C8A: variants seen among roughly 807,000 people sequenced by gnomAD.
The protein encoded by C8A is complement C8 alpha chain.
Under a neutral mutation model 65.3 loss-of-function variants are expected in C8A, and 67 were observed. That is an observed-to-expected ratio of 1.03 (90% CI 0.84 to 1.26). The LOEUF is 1.26. Ranked by LOEUF, C8A falls within the 50% of genes most tolerant of loss-of-function variation. The probability of loss-of-function intolerance (pLI) is 0.00; values close to 1 mark genes in which losing one functional copy is unlikely to be tolerated. For synonymous variants in C8A, 290 were observed against 259.4 expected, an observed-to-expected ratio of 1.12 and a Z score of -1.13; for missense variants, 781 against 723.9, an observed-to-expected ratio of 1.08 and a Z score of -0.90.
intron 7 of C8A, among the ~76,000 whole-genome samples, chr1:56,889,420 T>A (rs1644327273): frequency 6.6e-6 from 1 of 152,206 alleles, no homozygotes; most frequent in Admixed American, 6.5e-5. Context: ...AATTGAAGTT[T>A]TTGCCATTAA....
At chr1:56,891,546 G>T (rs370317185) in intron 7 of C8A, among the ~76,000 whole-genome samples, 3 of 152,118 alleles carry the variant, frequency 2.0e-5, no homozygotes, top group African/African-American at 4.8e-5. Context: ...ACAATTAGGG[G>T]CATTGCTGAT....
chr1:56,910,727 C>A (rs1277194669), intron 9 of C8A, among the ~76,000 whole-genome samples: 1 of 152,210 alleles, frequency 6.6e-6, no homozygotes, highest in East Asian at 1.9e-4. Context: ...CAACCGCAAC[C>A]CCTGACCACA....
intron 1 of C8A, among the ~76,000 whole-genome samples, chr1:56,867,262 T>C (rs1644098963): frequency 6.6e-6 from 1 of 152,146 alleles, no homozygotes; most frequent in African/African-American, 2.4e-5. Flanking sequence ...TGGTTAAGAT[T>C]CAAACCCAAT....
chr1:56,905,618 T>A (rs1644458098), intron 7 of C8A, among the ~76,000 whole-genome samples: 1 of 152,230 alleles, frequency 6.6e-6, no homozygotes, highest in African/African-American at 2.4e-5. Flanking sequence ...CAATACTCCC[T>A]TGAAAATAGT....
chr1:56,910,890 CT>C (rs1252045255), intron 9 of C8A, among the ~76,000 whole-genome samples: 2 of 152,178 alleles, frequency 1.3e-5, no homozygotes, highest in Admixed American at 6.5e-5. Flanking sequence ...TGGCACAGTC[CT>C]ACTGCTGACT....
chr1:56,891,294 A>T (rs1238340916), intron 7 of C8A, among the ~76,000 whole-genome samples: 2 of 152,154 alleles, frequency 1.3e-5, no homozygotes, highest in East Asian at 3.9e-4. Flanking sequence ...GAAGGGGAAG[A>T]AGGCATGTGT....
intron 2 of C8A, among the ~76,000 whole-genome samples, chr1:56,868,672 T>C (rs929501202): frequency 2.0e-5 from 3 of 152,148 alleles, no homozygotes; most frequent in Non-Finnish European, 4.4e-5. Context: ...TGTTTTATTA[T>C]TGTTTTAAAA....
intron 4 of C8A, among the ~76,000 whole-genome samples, chr1:56,877,582 C>T (rs1328506798): frequency 1.3e-5 from 2 of 152,168 alleles, no homozygotes; most frequent in Non-Finnish European, 2.9e-5. Context: ...TGTCTCCTAA[C>T]TTGAATAAAC....
chr1:56,908,819 A>T (rs1158606030), intron 9 of C8A, among the ~76,000 whole-genome samples: 1 of 152,186 alleles, frequency 6.6e-6, no homozygotes, highest in East Asian at 1.9e-4. Context: ...AGACCTTTGG[A>T]CTTCGTATCC....
chr1:56,886,550 A>C (rs996625267), intron 7 of C8A, among the ~76,000 whole-genome samples: 2 of 152,170 alleles, frequency 1.3e-5, no homozygotes, highest in Admixed American at 6.5e-5. Context: ...ACTTACATTC[A>C]TCTCAGACTC....
At chr1:56,858,070 A>AATGTCTC (rs1438770091) in intron 1 of C8A, among the ~76,000 whole-genome samples, 1 of 152,126 alleles carries the variant, frequency 6.6e-6, no homozygotes, top group Non-Finnish European at 1.5e-5. Context: ...TTCAGCTTTA[A>AATGTCTC]ATGTCTCATT....
rs79791527 is a variant in C8A, at chr1:56,877,426, A to G, written c.464+1217A>G. 1.3e-4 allele frequency among the ~76,000 whole-genome samples: 20 copies of G among 152,166 alleles called. No individual in the cohort carries two copies. The East Asian group carries it at 3.7e-3, about 28-fold the overall frequency. On this transcript the variant is annotated intron_variant, in intron 4 of 10. Transcript: ENST00000361249. The stretch of plus-strand genomic sequence containing the variant: ...CTTATTCTCACAGCTCTTACCCAAT[A>G]GGCTGGGGATGTCTGTCGAGGTGTC...
rs550936194 is a variant in C8A, at chr1:56,901,958, A to T, written c.1097-4709A>T. On this transcript the variant is annotated intron_variant, in intron 7 of 10. Coordinates refer to ENST00000361249, the MANE Select transcript of C8A (RefSeq NM_000562.3). ...TCTCCTGAGTCATCTTTATTTCTCA[A>T]CTAGCTCTAACACAGTAAAACGTCA... is the stretch of plus-strand genomic sequence containing the variant. Among the ~76,000 whole-genome samples, 18 of 152,270 alleles carry T rather than the reference A, an allele frequency of 1.2e-4. No homozygotes were observed. The South Asian group carries it at 3.7e-3, about 32-fold the overall frequency.
chr1:56,864,286 T>G (rs1406753298), intron 1 of C8A, among the ~76,000 whole-genome samples: 2 of 152,100 alleles, frequency 1.3e-5, no homozygotes, highest in African/African-American at 4.8e-5. Flanking sequence ...CAGTTAGGTG[T>G]GATTGAGGGA....
At chr1:56,903,877 T>A (rs1644444487) in intron 7 of C8A, among the ~76,000 whole-genome samples, 1 of 152,216 alleles carries the variant, frequency 6.6e-6, no homozygotes, top group African/African-American at 2.4e-5. Context: ...CTCCAGATGA[T>A]CTCAATGTAC....
chr1:56,898,435 G>A (rs1337038475), intron 7 of C8A, among the ~76,000 whole-genome samples: 5 of 152,112 alleles, frequency 3.3e-5, no homozygotes, highest in African/African-American at 7.2e-5. Flanking sequence ...ACTGAGCAAC[G>A]TACTGGTCCC....
At chr1:56,905,594 T>G (rs1644457862) in intron 7 of C8A, among the ~76,000 whole-genome samples, 1 of 152,210 alleles carries the variant, frequency 6.6e-6, no homozygotes, top group Non-Finnish European at 1.5e-5. Context: ...CACAGGCAAA[T>G]AAACTTTGAT....
At position 56,875,035 on chromosome 1, in the gene C8A, T is replaced by C. The variant is rs989236794; in HGVS notation, c.258T>C (p.Ser86=). The change falls in exon 3 of 11, where the codon AGT becomes AGC. Residue 86 remains serine, a synonymous_variant. Coordinates refer to ENST00000361249, the MANE Select transcript of C8A (RefSeq NM_000562.3). ...GDIWDQASCS[S]STTCVRQAQC... ...TCTGGGATCAAGCCAGCTGCTCCAG[T>C]TCTACAACTTGTGTAAGGCAAGCAC... is the stretch of plus-strand genomic sequence containing the variant. 1 of 1,613,720 alleles carries C rather than the reference T, an allele frequency of 6.2e-7. No individual in the cohort carries two copies. Among genetic ancestry groups the C allele is most frequent in the South Asian group, 1.1e-5 (1 of 91,052 alleles).
In C8A at chr1:56,870,836, C is replaced by T. The variant is rs994413854; in HGVS notation, c.171+3134C>T. Among the ~76,000 whole-genome samples, 12 of 152,018 alleles carry T rather than the reference C, an allele frequency of 7.9e-5. No individual in the cohort carries two copies. In the East Asian group the frequency reaches 2.3e-3, roughly 29 times the overall value. On this transcript the variant is annotated intron_variant, in intron 2 of 10. Coordinates refer to ENST00000361249, the MANE Select transcript of C8A (RefSeq NM_000562.3). ...TTCTGTTAATTAGGTGAAAGACCACCCTAGTTTTTTTTATTAATATGTTTC... is the reference window on the plus strand; with the variant it reads ...TTCTGTTAATTAGGTGAAAGACCACTCTAGTTTTTTTTATTAATATGTTTC...
Sources: allele counts gnomAD v4.1 joint callset (sites outside exome capture counted in the v4.1 genomes callset), GRCh38; gene constraint gnomAD v4.1.1; transcripts MANE v1.5; gene names NCBI Gene and HGNC (gene_info 2026-07-23, HGNC 2026-07-21).